EPS15L1: variants seen among roughly 807,000 people sequenced by gnomAD.
The protein encoded by EPS15L1 is epidermal growth factor receptor substrate 15-like 1.
EPS15L1 carries 43 observed loss-of-function variants against 117.1 expected under a neutral mutation model. The observed-to-expected ratio is 0.37, with a 90% CI of 0.29 to 0.47. The LOEUF is 0.47. Among genes scored for constraint, EPS15L1 ranks in the 20% least tolerant of loss-of-function variants. The pLI, the probability that EPS15L1 is intolerant of heterozygous loss-of-function variation, is 0.99. For missense variants in EPS15L1, 981 were observed against 1,164.0 expected, an observed-to-expected ratio of 0.84 and a Z score of 2.29; for synonymous variants, 459 against 470.5, an observed-to-expected ratio of 0.98 and a Z score of 0.32.
chr19:16,445,172 C>G (rs2093071355), intron 1 of EPS15L1, among the ~76,000 whole-genome samples: 1 of 152,198 alleles, frequency 6.6e-6, no homozygotes, highest in Non-Finnish European at 1.5e-5. Flanking sequence ...GCAACAAGAT[C>G]CGCAACCAAG....
At chr19:16,461,915 T>C (rs1312665979) in intron 1 of EPS15L1, among the ~76,000 whole-genome samples, 1 of 152,186 alleles carries the variant, frequency 6.6e-6, no homozygotes, top group African/African-American at 2.4e-5. Flanking sequence ...ACTGCGCTCC[T>C]GGCTGCTGTT....
rs1337461395 is a variant in EPS15L1, at chr19:16,404,377, C to T, written c.1428+211G>A. Among the ~76,000 whole-genome samples the T allele has an allele frequency of 6.6e-6, 1 of 152,196 alleles. No individual in the cohort carries two copies. Among genetic ancestry groups the T allele is most frequent in the Non-Finnish European group, 1.5e-5 (1 of 68,030 alleles). On this transcript the variant is annotated intron_variant, in intron 14 of 23. Coordinates refer to ENST00000455140, the MANE Select transcript of EPS15L1 (RefSeq NM_001258374.3). The surrounding 1 kb of genome is among the most constrained non-coding windows in gnomAD (Gnocchi z 4.2). ...AGTTCGCAGGGACCAAGGCCATTCA[C>T]TTATACAACCTGACTTCTAGGAGTA...
At chr19:16,430,405 C>T (rs2092915563) in intron 7 of EPS15L1, among the ~76,000 whole-genome samples, 1 of 152,174 alleles carries the variant, frequency 6.6e-6, no homozygotes, top group Admixed American at 6.5e-5. Flanking sequence ...TCCACCCTTC[C>T]ACAACTGTGC....
chr19:16,374,872 T>A (rs1467143810), intron 22 of EPS15L1, among the ~76,000 whole-genome samples: 1 of 152,100 alleles, frequency 6.6e-6, no homozygotes, highest in African/African-American at 2.4e-5. Flanking sequence ...CGCACGCATA[T>A]GTGTGTGCAC....
chr19:16,468,446 A>C (rs1159158120), intron 1 of EPS15L1, among the ~76,000 whole-genome samples: 1 of 152,164 alleles, frequency 6.6e-6, no homozygotes, highest in African/African-American at 2.4e-5. Context: ...CCTGGTTTCA[A>C]GCGATTCTTG....
intron 16 of EPS15L1, among the ~76,000 whole-genome samples, chr19:16,399,804 G>A (rs2092579397): frequency 1.3e-5 from 2 of 151,826 alleles, no homozygotes; most frequent in Admixed American, 1.3e-4. Context: ...TTACAGGTGT[G>A]AGCCATTGTG....
chr19:16,361,624 T>G, intron 23 of EPS15L1, 155 bp downstream of exon 23: 2 of 1,343,090 alleles, frequency 1.5e-6, no homozygotes, highest in Non-Finnish European at 9.6e-7. Context: ...CTTACAGAAG[T>G]GGCAGTGTAG....
chr19:16,402,555 T>C, intron 15 of EPS15L1, 70 bp from the exon 16 acceptor site: 1 of 1,440,890 alleles, frequency 6.9e-7, no homozygotes, highest in Non-Finnish European at 9.3e-7. Flanking sequence ...GCTTTTTTTT[T>C]TTAAAACACA....
intron 1 of EPS15L1, among the ~76,000 whole-genome samples, chr19:16,464,184 G>A (rs1017992236): frequency 6.6e-6 from 1 of 152,242 alleles, no homozygotes; most frequent in Non-Finnish European, 1.5e-5. Flanking sequence ...CAGTGCAGAT[G>A]GAAATCCGAG....
At position 16,417,734 on chromosome 19, in the gene EPS15L1, CT is replaced by C. The variant is rs2092772638; in HGVS notation, c.1108-98del. 3.3e-6 allele frequency: 4 copies of C among 1,213,638 alleles called. No homozygotes were observed. The African/African-American group carries it at 6.0e-5, about 18-fold the overall frequency. 75.2% of individuals were successfully genotyped at this position (1,213,638 alleles called of 1,614,324 possible). A position where few individuals can be genotyped will look rare whatever the true frequency, so the allele number is the denominator to read the frequency against. On this transcript the variant is annotated intron_variant, in intron 11 of 23. Transcript: ENST00000455140. The stretch of plus-strand genomic sequence containing the variant: ...CTCGGGCCCAGGGATAAAATTGTCC[CT>C]TTAGTACACAGGGTGAGGTAGCAAA...
At chr19:16,386,138 T>A in intron 20 of EPS15L1, 33 bp downstream of exon 20, 1 of 1,543,654 alleles carries the variant, frequency 6.5e-7, no homozygotes, top group Non-Finnish European at 8.9e-7. Flanking sequence ...GCCCAAGGAA[T>A]AGTCAGGAAG....
intron 23 of EPS15L1, 123 bp from the exon 24 acceptor site, chr19:16,355,974 G>A (rs1488923672): frequency 8.3e-7 from 1 of 1,199,116 alleles, no homozygotes; most frequent in Non-Finnish European, 1.2e-6. Flanking sequence ...AGGGTCCGAT[G>A]TGCAGGGGAT....
At chr19:16,466,317 G>A (rs1179446496) in intron 1 of EPS15L1, among the ~76,000 whole-genome samples, 1 of 152,094 alleles carries the variant, frequency 6.6e-6, no homozygotes, top group Non-Finnish European at 1.5e-5. Context: ...GATGAACCAG[G>A]CAATCTATGA....
chr19:16,418,170 C>CGATCCCTTGCTTTTCAAA (rs1279311555), intron 10 of EPS15L1, 66 bp from the exon 11 acceptor site: 2 of 1,521,796 alleles, frequency 1.3e-6, no homozygotes, highest in Non-Finnish European at 1.8e-6. Flanking sequence ...CCCAAGTCAC[C>CGATCCCTTGCTTTTCAAA]GATCCCTTGC....
At chr19:16,444,478 T>C (rs1257121779) in intron 1 of EPS15L1, among the ~76,000 whole-genome samples, 5 of 152,134 alleles carry the variant, frequency 3.3e-5, no homozygotes, top group African/African-American at 1.2e-4. Context: ...TGTGTCAACT[T>C]CTGGGCTCAA....
At chr19:16,378,682 T>C (rs759637963) in intron 21 of EPS15L1, among the ~76,000 whole-genome samples, 8 of 152,052 alleles carry the variant, frequency 5.3e-5, no homozygotes, top group Non-Finnish European at 1.2e-4. Context: ...GGGATGCTTG[T>C]CCCTCACTTG....
chr19:16,365,355 G>C lies in EPS15L1; in HGVS notation c.2381-3371C>G, dbSNP rs796298423. Among the ~76,000 whole-genome samples, 11 of 152,310 alleles carry C rather than the reference G, an allele frequency of 7.2e-5. 1 individual carries two copies. Among genetic ancestry groups the C allele is most frequent in the African/African-American group, 2.6e-4 (11 of 41,558 alleles). On this transcript the variant is annotated intron_variant, in intron 22 of 23. Transcript: ENST00000455140. This position sits in a 1 kb window ranked among gnomAD's most constrained non-coding sequence, Gnocchi z 4.9. ...TTTAAAGGGGTAACTGAGTTAAAAC[G>C]AAGTCAAAGGATCAATGACTGTCTT...
intron 12 of EPS15L1, among the ~76,000 whole-genome samples, chr19:16,417,088 C>A (rs1267064582): frequency 1.3e-5 from 2 of 152,228 alleles, no homozygotes; most frequent in African/African-American, 4.8e-5. Context: ...GGGGCTGATG[C>A]CTGGGGCTAC....
chr19:16,442,905 C>G (rs1188432172), intron 1 of EPS15L1, among the ~76,000 whole-genome samples: 1 of 152,160 alleles, frequency 6.6e-6, no homozygotes, highest in Non-Finnish European at 1.5e-5. Flanking sequence ...CTAATCGGGG[C>G]CACCAGAGGC....
Sources: allele counts gnomAD v4.1 joint callset (sites outside exome capture counted in the v4.1 genomes callset), GRCh38; gene constraint gnomAD v4.1.1; non-coding constraint Gnocchi (gnomAD v3.1); transcripts MANE v1.5; gene names NCBI Gene and HGNC (gene_info 2026-07-23, HGNC 2026-07-21).